The following PHF21B variants were observed in gnomAD, a reference collection of about 807,000 sequenced individuals.
PHF21B encodes PHD finger protein 4.
PHF21B carries 22 observed loss-of-function variants against 62.2 expected under a neutral mutation model. The ratio of observed to expected loss-of-function variants is 0.35; its 90% CI spans 0.25 to 0.51. PHF21B has a LOEUF of 0.51. Among genes scored for constraint, PHF21B ranks in the 20% least tolerant of loss-of-function variants. The probability of loss-of-function intolerance (pLI) is 0.97; values close to 1 mark genes in which losing one functional copy is unlikely to be tolerated. For synonymous variants in PHF21B, 341 were observed against 314.7 expected (o/e 1.08, Z -0.88); for missense variants, 701 against 707.9 (o/e 0.99, Z 0.11).
intron 5 of PHF21B, among the ~76,000 whole-genome samples, chr22:44,912,810 T>C (rs1350283240): frequency 7.6e-6 from 1 of 131,172 alleles, no homozygotes; most frequent in African/African-American, 2.9e-5. Flanking sequence ...GCCCAGGAGG[T>C]TGAGGCTGCA....
intron 2 of PHF21B, among the ~76,000 whole-genome samples, chr22:45,005,362 AT>A (rs889447533): frequency 4.1e-4 from 60 of 147,942 alleles, no homozygotes; most frequent in Non-Finnish European, 4.1e-4. Context: ...CCTATGCCTC[AT>A]TTTTTTTTTT....
rs192619301 is a variant in PHF21B, at chr22:44,998,142, C to T, written c.120+10403G>A. Among the ~76,000 whole-genome samples, 311 of 152,346 alleles carry T rather than the reference C, an allele frequency of 2.0e-3. 1 individual carries two copies. The highest frequency in any genetic ancestry group is 7.3e-3 in the African/African-American group (303 of 41,574). ...ATCGTATGGACCATTCTGGAACACA[C>T]TGTGCCCTGCCAAAGCTGCCTGTCT... On this transcript the variant is annotated intron_variant, in intron 2 of 12. Transcript: ENST00000313237.
intron 2 of PHF21B, among the ~76,000 whole-genome samples, chr22:44,930,261 A>G (rs745460): frequency 0.54 from 82,732 of 152,088 alleles, 24,863 homozygotes; most frequent in Non-Finnish European, 0.65. Flanking sequence ...TGGAGGGGAG[A>G]GGGAGAGGAG....
chr22:44,913,726 C>T, intron 5 of PHF21B, 96 bp downstream of exon 5: 1 of 1,451,710 alleles, frequency 6.9e-7, no homozygotes, highest in Non-Finnish European at 9.1e-7. Flanking sequence ...TTGTCGGGAC[C>T]ACCCCACAGT....
chr22:44,904,117 CAT>C (rs1429666635), intron 5 of PHF21B, among the ~76,000 whole-genome samples: 12 of 152,056 alleles, frequency 7.9e-5, no homozygotes, highest in Admixed American at 4.6e-4. Context: ...ATGTTTTGAG[CAT>C]ATGTTTCTAA....
chr22:44,886,897 G>A (rs1194183766), intron 10 of PHF21B, among the ~76,000 whole-genome samples: 1 of 152,080 alleles, frequency 6.6e-6, no homozygotes, highest in African/African-American at 2.4e-5. Flanking sequence ...GCTCATACCT[G>A]TAATCCCAGC....
chr22:44,943,001 C>G (rs1247210999), intron 2 of PHF21B, among the ~76,000 whole-genome samples: 3 of 151,252 alleles, frequency 2.0e-5, no homozygotes, highest in South Asian at 4.2e-4. Flanking sequence ...AGGGACCCCC[C>G]CCCCCCCATC....
At chr22:44,982,073 G>T (rs1224666864) in intron 2 of PHF21B, among the ~76,000 whole-genome samples, 1 of 152,240 alleles carries the variant, frequency 6.6e-6, no homozygotes, top group Non-Finnish European at 1.5e-5. Context: ...TGTGGCGGTG[G>T]AAACAGCGCT....
rs1451435078 is a variant in PHF21B, at chr22:44,902,482, A to T, written c.832-6399T>A. On this transcript the variant is annotated intron_variant, in intron 5 of 12. Coordinates refer to ENST00000313237, the MANE Select transcript of PHF21B (RefSeq NM_138415.5). ...ATAAAAATAAAATAACTATTTTTTG[A>T]ATTTCGTATACTTTTCCCCCTTCTG... is the stretch of plus-strand genomic sequence containing the variant. The T allele has an allele frequency of 1.8e-5, 3 of 169,008 alleles. No homozygotes were observed. In the East Asian group the frequency reaches 4.7e-4, roughly 27 times the overall value. 10.5% of individuals were successfully genotyped at this position (169,008 alleles called of 1,614,324 possible). A position where few individuals can be genotyped will look rare whatever the true frequency, so the allele number is the denominator to read the frequency against.
chr22:44,919,546 G>A (rs928951984), intron 3 of PHF21B, among the ~76,000 whole-genome samples: 4 of 152,188 alleles, frequency 2.6e-5, no homozygotes, highest in Non-Finnish European at 4.4e-5. Context: ...CCACATGAAT[G>A]AGGGAGCTCA....
At chr22:44,976,681 C>A (rs1441395054) in intron 2 of PHF21B, among the ~76,000 whole-genome samples, 1 of 152,220 alleles carries the variant, frequency 6.6e-6, no homozygotes. Context: ...TCTGCCTGTA[C>A]TAAAGCACAG....
intron 2 of PHF21B, among the ~76,000 whole-genome samples, chr22:44,975,327 G>A (rs1312876959): frequency 1.3e-5 from 2 of 152,148 alleles, no homozygotes; most frequent in Non-Finnish European, 2.9e-5. Context: ...TGGCCACCGT[G>A]ACACTGTTCC....
At chr22:44,990,177 G>A (rs73892223) in intron 2 of PHF21B, among the ~76,000 whole-genome samples, 6 of 152,194 alleles carry the variant, frequency 3.9e-5, no homozygotes, top group African/African-American at 1.2e-4. Flanking sequence ...CATGGACACA[G>A]GTTTGATGGA....
At chr22:44,954,873 A>C (rs1460769699) in intron 2 of PHF21B, among the ~76,000 whole-genome samples, 2 of 152,210 alleles carry the variant, frequency 1.3e-5, no homozygotes, top group Non-Finnish European at 2.9e-5. Context: ...AGGAAGAGGC[A>C]AATCTTGCCA....
chr22:44,976,723 C>T (rs556362299), intron 2 of PHF21B, among the ~76,000 whole-genome samples: 1 of 152,348 alleles, frequency 6.6e-6, no homozygotes, highest in East Asian at 1.9e-4. Flanking sequence ...AGCCCCACAC[C>T]TACAGGCCCA....
chr22:44,893,447 G>T lies in PHF21B; in HGVS notation c.960+10C>A, dbSNP rs898950350. Reference sequence around the variant, plus strand: ...CCCTCCTGGTGGCATGGGGCTGGCGGGTTCCCCACCTCGGTCTCCAGGAGG... The same window carrying T: ...CCCTCCTGGTGGCATGGGGCTGGCGTGTTCCCCACCTCGGTCTCCAGGAGG... On this transcript the variant is annotated intron_variant, in intron 7 of 12. Coordinates refer to ENST00000313237, the MANE Select transcript of PHF21B (RefSeq NM_138415.5). 1.9e-6 allele frequency: 3 copies of T among 1,590,118 alleles called. No individual in the cohort carries two copies. The East Asian group carries it at 6.8e-5, about 36-fold the overall frequency.
At position 44,883,017 on chromosome 22, in the gene PHF21B, C is replaced by T; in HGVS notation, c.*69G>A. 2.0e-6 allele frequency: 3 copies of T among 1,477,926 alleles called. No individual in the cohort carries two copies. Among genetic ancestry groups the T allele is most frequent in the Non-Finnish European group, 1.8e-6 (2 of 1,101,530 alleles). 91.6% of individuals were successfully genotyped at this position (1,477,926 alleles called of 1,614,324 possible). ...CATAGTGTTTATGAATTAAGGCCGACAGAACCCCCAGGCTGTGTAAGCAGG... is the reference window on the plus strand; with the variant it reads ...CATAGTGTTTATGAATTAAGGCCGATAGAACCCCCAGGCTGTGTAAGCAGG... On this transcript the variant is annotated 3_prime_UTR_variant, in exon 13 of 13. Coordinates refer to ENST00000313237, the MANE Select transcript of PHF21B (RefSeq NM_138415.5).
rs142034129 is a variant in PHF21B, at chr22:44,974,311, G to T, written c.120+34234C>A. ...TGCCTGTAGTCCCAGCTACTCGGGA[G>T]GCTGAGGCAGGAGGGTCACTTGAGG... On this transcript the variant is annotated intron_variant, in intron 2 of 12. Transcript: ENST00000313237. 9.5e-3 allele frequency among the ~76,000 whole-genome samples: 1,439 copies of T among 152,100 alleles called. 9 individuals are homozygous for T. The highest frequency in any genetic ancestry group is 0.014 in the Non-Finnish European group (947 of 67,964).
At chr22:44,911,865 T>C (rs951180883) in intron 5 of PHF21B, among the ~76,000 whole-genome samples, 12 of 150,812 alleles carry the variant, frequency 8.0e-5, no homozygotes, top group Non-Finnish European at 2.9e-5. Context: ...CAGCTCGTAC[T>C]GTGCACCTGG....
Sources: gnomAD v4.1 joint callset for allele counts (sites outside exome capture counted in the v4.1 genomes callset) on GRCh38, gnomAD v4.1.1 for gene constraint, MANE v1.5 for transcripts, NCBI Gene and HGNC (gene_info 2026-07-23, HGNC 2026-07-21) for gene names.